COPG2: variants seen among roughly 807,000 people sequenced by gnomAD.
The protein encoded by COPG2 is coat protein complex I subunit gamma 2, also known as coatomer subunit gamma-2.
Under a neutral mutation model 46.3 loss-of-function variants are expected in COPG2, and 37 were observed. The observed-to-expected ratio is 0.80, with a 90% CI of 0.61 to 1.05. The LOEUF (loss-of-function observed/expected upper bound fraction) is 1.05. Among genes scored for constraint, COPG2 ranks in the 50% least tolerant of loss-of-function variants. COPG2 has a pLI of 0.00. For synonymous variants in COPG2, 159 were observed against 129.7 expected (o/e 1.23, Z -1.53); for missense variants, 427 against 387.8 (o/e 1.10, Z -0.85).
intron 6 of COPG2, among the ~76,000 whole-genome samples, chr7:130,616,105 G>T (rs1794944386): frequency 6.6e-6 from 1 of 152,130 alleles, no homozygotes; most frequent in African/African-American, 2.4e-5. Flanking sequence ...TGAGATAGAG[G>T]AAAAGATGCC....
At chr7:130,565,585 T>C (rs1365452461) in intron 9 of COPG2, among the ~76,000 whole-genome samples, 2 of 152,204 alleles carry the variant, frequency 1.3e-5, no homozygotes, top group African/African-American at 4.8e-5. Flanking sequence ...GTCAATAGAA[T>C]TTATTCCTGA....
At chr7:130,532,450 G>A (rs1189091234) in intron 20 of COPG2, among the ~76,000 whole-genome samples, 1 of 152,114 alleles carries the variant, frequency 6.6e-6, no homozygotes, top group Non-Finnish European at 1.5e-5. Context: ...CGCTAAGGAG[G>A]GAGGAGGCAG....
chr7:130,522,938 C>T (rs979358985), intron 20 of COPG2, among the ~76,000 whole-genome samples: 28 of 150,890 alleles, frequency 1.9e-4, no homozygotes, highest in African/African-American at 3.4e-4. Context: ...GCCAACATGG[C>T]GAAACCCTGT....
chr7:130,626,501 G>A (rs1270129217), intron 5 of COPG2, among the ~76,000 whole-genome samples: 1 of 149,564 alleles, frequency 6.7e-6, no homozygotes. Context: ...CACCCAACTC[G>A]GCCTCCCAAA....
At chr7:130,646,983 G>GCA (rs1563070180) in intron 5 of COPG2, among the ~76,000 whole-genome samples, 1 of 18,432 alleles carries the variant, frequency 5.4e-5, no homozygotes, top group African/African-American at 7.6e-5. Flanking sequence ...ATATATATAT[G>GCA]TATATATATA....
chr7:130,552,285 G>A, intron 15 of COPG2, 70 bp downstream of exon 15: 1 of 396,864 alleles, frequency 2.5e-6, no homozygotes. Flanking sequence ...CCCTATGGTA[G>A]AATGAGGATT....
intron 9 of COPG2, among the ~76,000 whole-genome samples, chr7:130,573,040 T>C (rs954680825): frequency 6.6e-6 from 1 of 151,702 alleles, no homozygotes; most frequent in Non-Finnish European, 1.5e-5. Context: ...CTACTGACAC[T>C]AAAGAAATGA....
At chr7:130,601,643 C>T (rs1554450337) in intron 9 of COPG2, among the ~76,000 whole-genome samples, 3 of 152,222 alleles carry the variant, frequency 2.0e-5, no homozygotes, top group Admixed American at 2.0e-4. Flanking sequence ...AGGAGAGGAA[C>T]ATCACACACC....
intron 9 of COPG2, among the ~76,000 whole-genome samples, chr7:130,589,592 C>T (rs1456834569): frequency 2.0e-5 from 3 of 152,146 alleles, no homozygotes; most frequent in Middle Eastern, 3.2e-3. Context: ...GCCATGTTTA[C>T]TTTTTAATAG....
At chr7:130,525,329 G>A (rs1382616503) in intron 20 of COPG2, among the ~76,000 whole-genome samples, 1 of 152,124 alleles carries the variant, frequency 6.6e-6, no homozygotes, top group Admixed American at 6.5e-5. Flanking sequence ...CGTCATCAAG[G>A]CCAGACTGTA....
chr7:130,554,659 C>T lies in COPG2; in HGVS notation c.1290G>A (p.Glu430=), dbSNP rs1793590240. 1.0e-5 allele frequency: 4 copies of T among 398,608 alleles called. No homozygotes were observed. The highest frequency in any genetic ancestry group is 1.8e-5 in the Non-Finnish European group (4 of 226,072). The allele number at this position is 398,608 out of a possible 1,614,324, so 24.7% of individuals were successfully genotyped here. ...CIISIVEENP[E]SKEAGLAHLC... Reference sequence around the variant, plus strand: ...GGTGGGCTAGGCCTGCTTCTTTACTCTCAGGGTTCTCTTCCACAATGCTGA... The same window carrying T: ...GGTGGGCTAGGCCTGCTTCTTTACTTTCAGGGTTCTCTTCCACAATGCTGA... Residue 430 remains glutamate (E), a synonymous_variant, in exon 14 of 24, where the codon GAG becomes GAA. Coordinates refer to ENST00000425248, the MANE Select transcript of COPG2 (RefSeq NM_012133.6).
chr7:130,620,989 C>T (rs1041524462), intron 5 of COPG2, among the ~76,000 whole-genome samples: 1 of 152,122 alleles, frequency 6.6e-6, no homozygotes, highest in Non-Finnish European at 1.5e-5. Flanking sequence ...AAGTTAAAGA[C>T]ACTGAGATGG....
intron 20 of COPG2, among the ~76,000 whole-genome samples, chr7:130,531,066 G>T (rs1799820019): frequency 6.9e-6 from 1 of 145,184 alleles, no homozygotes; most frequent in South Asian, 2.3e-4. Flanking sequence ...TGGGTGGTGG[G>T]GATGGGGTTC....
chr7:130,525,715 G>C (rs974863408), intron 20 of COPG2, among the ~76,000 whole-genome samples: 4 of 152,176 alleles, frequency 2.6e-5, no homozygotes, highest in Non-Finnish European at 5.9e-5. Context: ...AGTGGGTCTC[G>C]TAGTTGTAAT....
chr7:130,622,618 T>C (rs547484233), intron 5 of COPG2, among the ~76,000 whole-genome samples: 1 of 152,186 alleles, frequency 6.6e-6, no homozygotes, highest in African/African-American at 2.4e-5. Flanking sequence ...GAGTGGAACA[T>C]AGTTCAATCC....
intron 9 of COPG2, among the ~76,000 whole-genome samples, chr7:130,577,896 T>G (rs1408651652): frequency 6.6e-6 from 1 of 151,072 alleles, no homozygotes; most frequent in Non-Finnish European, 1.5e-5. Flanking sequence ...GAGATCAAAC[T>G]GCAAGGCGGC....
chr7:130,536,919 G>A (rs1355276698), intron 20 of COPG2, among the ~76,000 whole-genome samples: 1 of 151,990 alleles, frequency 6.6e-6, no homozygotes, highest in Admixed American at 6.6e-5. Context: ...GGGGAGGGAA[G>A]GTGCAAAGGG....
chr7:130,590,382 A>G (rs1264402684), intron 9 of COPG2, among the ~76,000 whole-genome samples: 2 of 152,192 alleles, frequency 1.3e-5, no homozygotes, highest in African/African-American at 4.8e-5. Flanking sequence ...CAGCCTGCCG[A>G]GTGCCTGCGA....
intron 3 of COPG2, 67 bp from the exon 4 acceptor site, chr7:130,663,105 C>T: frequency 1.3e-6 from 1 of 779,138 alleles, no homozygotes; most frequent in Non-Finnish European, 2.0e-6. Context: ...TACATATACA[C>T]ACACAGGATT....
Sources: gnomAD v4.1 joint callset for allele counts (sites outside exome capture counted in the v4.1 genomes callset) on GRCh38, gnomAD v4.1.1 for gene constraint, MANE v1.5 for transcripts, NCBI Gene and HGNC (gene_info 2026-07-23, HGNC 2026-07-21) for gene names.